Variants in DIP2C observed in about 807,000 individuals in gnomAD.
DIP2C encodes DIP2 acetate--CoA ligase C (putative).
Under a neutral mutation model 192.4 loss-of-function variants are expected in DIP2C, and 33 were observed. The ratio of observed to expected loss-of-function variants is 0.17; its 90% confidence interval spans 0.13 to 0.23. DIP2C has a LOEUF of 0.23. Ranked by LOEUF, DIP2C falls within the 10% of genes least tolerant of loss-of-function variation. The pLI is 1.00. For synonymous variants in DIP2C, 979 were observed against 864.1 expected (o/e 1.13, Z -2.33); for missense variants, 1,537 against 2,110.1 (o/e 0.73, Z 5.32).
chr10:532,698 GGT>G (rs1847470860), intron 1 of DIP2C, among the ~76,000 whole-genome samples: 1 of 97,340 alleles, frequency 1.0e-5, no homozygotes, highest in Non-Finnish European at 2.3e-5. Context: ...AGAGAGTATG[GGT>G]GTGAGAGAGA....
At chr10:592,663 C>A (rs1851468775) in intron 1 of DIP2C, among the ~76,000 whole-genome samples, 1 of 152,074 alleles carries the variant, frequency 6.6e-6, no homozygotes. Context: ...TAGAAAAAAG[C>A]AAAATAATGA....
chr10:374,005 A>G (rs1961288030), intron 17 of DIP2C, among the ~76,000 whole-genome samples: 1 of 151,976 alleles, frequency 6.6e-6, no homozygotes, highest in Non-Finnish European at 1.5e-5. Flanking sequence ...ACTCCACCAT[A>G]CTTTGTCACC....
intron 9 of DIP2C, among the ~76,000 whole-genome samples, chr10:400,619 T>C (rs1964342975): frequency 6.6e-6 from 1 of 150,740 alleles, no homozygotes; most frequent in Admixed American, 6.6e-5. Flanking sequence ...CATCAGCACA[T>C]GAATCCTGTG....
intron 1 of DIP2C, among the ~76,000 whole-genome samples, chr10:519,705 C>CA (rs1234664909): frequency 3.9e-5 from 6 of 152,258 alleles, no homozygotes; most frequent in African/African-American, 1.4e-4. Context: ...CTCAAGGGCG[C>CA]ACCTGAGCTC....
chr10:610,692 ACC>A (rs1210184372), intron 1 of DIP2C, among the ~76,000 whole-genome samples: 1 of 151,862 alleles, frequency 6.6e-6, no homozygotes, highest in Non-Finnish European at 1.5e-5. Context: ...CTGAACTGTA[ACC>A]CCCAGTGTTG....
rs188151209 is a variant in DIP2C, at chr10:345,246, C to T, written c.3232-136G>A. 7 of 885,742 alleles carry T rather than the reference C, an allele frequency of 7.9e-6. No individual in the cohort carries two copies. The Admixed American group carries it at 1.4e-4, about 18-fold the overall frequency. 54.9% of individuals were successfully genotyped at this position (885,742 alleles called of 1,614,324 possible). ...GGGCAGATGAGGTTACCGAGCCCTCCTGCTGGCTAAGGTAGGACAGAGCTA... is the reference window on the plus strand; with the variant it reads ...GGGCAGATGAGGTTACCGAGCCCTCTTGCTGGCTAAGGTAGGACAGAGCTA... On this transcript the variant is annotated intron_variant, in intron 26 of 36. Transcript: ENST00000280886.
intron 1 of DIP2C, among the ~76,000 whole-genome samples, chr10:591,522 C>T (rs993382901): frequency 6.6e-6 from 1 of 152,182 alleles, no homozygotes; most frequent in African/African-American, 2.4e-5. Flanking sequence ...GAACCAGTTA[C>T]CCATTTGAAG....
intron 3 of DIP2C, among the ~76,000 whole-genome samples, chr10:460,653 C>T (rs1454403269): frequency 1.3e-5 from 2 of 152,134 alleles, no homozygotes; most frequent in Non-Finnish European, 2.9e-5. Context: ...TCCAGGAGAA[C>T]TTCCCCAACC....
intron 1 of DIP2C, among the ~76,000 whole-genome samples, chr10:523,547 G>A (rs80297464): frequency 8.1e-3 from 903 of 111,318 alleles, no homozygotes; most frequent in Middle Eastern, 0.012. Context: ...CCTGGAGTGA[G>A]GATGCAGGGA....
rs1588429909 is a variant in DIP2C at position 544,005 on chromosome 10, TGCGTGACCTTTG to T, written c.86-57487_86-57476del. The stretch of plus-strand genomic sequence containing the variant: ...ACGCCTGTCGTGAGTGGGCACATAG[TGCGTGACCTTTG>T]ACGTGACCTTTGGTGCCAGCATCTT... On this transcript the variant is annotated intron_variant, in intron 1 of 36. Coordinates refer to ENST00000280886, the MANE Select transcript of DIP2C (RefSeq NM_014974.3). Among the ~76,000 whole-genome samples the T allele has an allele frequency of 4.6e-5, 7 of 152,396 alleles. No individual in the cohort carries two copies. In the South Asian group the frequency reaches 1.4e-3, roughly 32 times the overall value.
At chr10:585,626 C>T (rs1850973992) in intron 1 of DIP2C, among the ~76,000 whole-genome samples, 1 of 152,088 alleles carries the variant, frequency 6.6e-6, no homozygotes, top group African/African-American at 2.4e-5. Context: ...AGCCCAAATC[C>T]CCTAAACCAG....
At chr10:678,632 C>T (rs1331602298) in intron 1 of DIP2C, among the ~76,000 whole-genome samples, 1 of 92,566 alleles carries the variant, frequency 1.1e-5, no homozygotes, top group Non-Finnish European at 2.5e-5. Context: ...CTCTGCTCCC[C>T]ATGTCCATGC....
chr10:544,255 G>C (rs957369473), intron 1 of DIP2C, among the ~76,000 whole-genome samples: 3 of 152,182 alleles, frequency 2.0e-5, no homozygotes, highest in Non-Finnish European at 2.9e-5. Flanking sequence ...CACATTCAAG[G>C]CTCATTGGAG....
chr10:331,216 C>A (rs1392502246), intron 29 of DIP2C, among the ~76,000 whole-genome samples: 1 of 152,086 alleles, frequency 6.6e-6, no homozygotes, highest in East Asian at 1.9e-4. Context: ...TGTAGCCAAT[C>A]TCATCTAAAA....
intron 1 of DIP2C, among the ~76,000 whole-genome samples, chr10:583,806 A>T (rs527513737): frequency 6.6e-6 from 1 of 152,264 alleles, no homozygotes; most frequent in Admixed American, 6.5e-5. Context: ...ACAAAAACAC[A>T]CCACTGCCCA....
At chr10:480,386 G>C (rs1394197905) in intron 2 of DIP2C, among the ~76,000 whole-genome samples, 1 of 148,236 alleles carries the variant, frequency 6.7e-6, no homozygotes. Context: ...CACTGGATAA[G>C]ACTCATCCAC....
chr10:662,433 G>C (rs1189253954), intron 1 of DIP2C, among the ~76,000 whole-genome samples: 1 of 152,212 alleles, frequency 6.6e-6, no homozygotes, highest in African/African-American at 2.4e-5. Context: ...AAGGTGACCA[G>C]CCCTATTGGC....
intron 24 of DIP2C, among the ~76,000 whole-genome samples, chr10:351,011 C>CGG (rs1166228952): frequency 6.6e-6 from 1 of 151,868 alleles, no homozygotes; most frequent in Non-Finnish European, 1.5e-5. Flanking sequence ...GAGCGCGCGG[C>CGG]GGGCCTGGCA....
chr10:311,605 G>C (rs2132330095), intron 31 of DIP2C: 1 of 1,230,780 alleles, frequency 8.1e-7, no homozygotes. Context: ...AGAGAGGAGA[G>C]AACACCAGAC....
Sources: allele counts gnomAD v4.1 joint callset (sites outside exome capture counted in the v4.1 genomes callset), GRCh38; gene constraint gnomAD v4.1.1; transcripts MANE v1.5; gene names NCBI Gene and HGNC (gene_info 2026-07-23, HGNC 2026-07-21).